The following CCDC88C variants were observed in gnomAD, a reference collection of about 807,000 sequenced individuals.
The protein encoded by CCDC88C is protein Daple.
Under a neutral mutation model 198.8 loss-of-function variants are expected in CCDC88C, and 131 were observed. The observed-to-expected ratio is 0.66, with a 90% CI of 0.57 to 0.76. The LOEUF is 0.76. Among genes scored for constraint, CCDC88C ranks in the 30% least tolerant of loss-of-function variants. The pLI is 0.00. For synonymous variants in CCDC88C, 1,166 were observed against 1,114.7 expected (o/e 1.05, Z -0.92); for missense variants, 2,553 against 2,631.6 (o/e 0.97, Z 0.65).
At position 91,299,776 on chromosome 14, in the gene CCDC88C, T is replaced by TA. The variant is rs1652196526; in HGVS notation, c.3779+150dup. The TA allele has an allele frequency of 2.0e-5, 22 of 1,075,850 alleles. No individual in the cohort carries two copies. In the South Asian group the frequency reaches 3.5e-4, roughly 17 times the overall value. 66.6% of individuals were successfully genotyped at this position (1,075,850 alleles called of 1,614,324 possible). On this transcript the variant is annotated intron_variant, in intron 21 of 29. Coordinates refer to ENST00000389857, the MANE Select transcript of CCDC88C (RefSeq NM_001080414.4). ...CCAGCAACCAGCTAGAGTTGCCCTT[T>TA]AGCTTATTTTACCCACCCAGCTGTT...
rs1418897427 is a variant in CCDC88C at position 91,293,435 on chromosome 14, C to T, written c.4112+738G>A. Among the ~76,000 whole-genome samples, 310 of 46,364 alleles carry T rather than the reference C, an allele frequency of 6.7e-3. 9 individuals carry two copies. The highest frequency in any genetic ancestry group is 0.032 in the Middle Eastern group (2 of 62). 30.4% of individuals were successfully genotyped at this position (46,364 alleles called of 152,430 possible). A position where few individuals can be genotyped will look rare whatever the true frequency, so the allele number is the denominator to read the frequency against. ...CCTCACCTGCCACGGCCCACCTTCCCGTCCTCACCTGCCACGGTCCACCTT... is the reference window on the plus strand; with the variant it reads ...CCTCACCTGCCACGGCCCACCTTCCTGTCCTCACCTGCCACGGTCCACCTT... On this transcript the variant is annotated intron_variant, in intron 23 of 29. Coordinates refer to ENST00000389857, the MANE Select transcript of CCDC88C (RefSeq NM_001080414.4).
intron 3 of CCDC88C, among the ~76,000 whole-genome samples, chr14:91,394,463 A>C (rs1409429122): frequency 6.6e-6 from 1 of 152,238 alleles, no homozygotes; most frequent in Non-Finnish European, 1.5e-5. Flanking sequence ...GGTCGGGGGC[A>C]CTTTGCAGGG....
intron 3 of CCDC88C, among the ~76,000 whole-genome samples, chr14:91,367,998 G>A (rs769252259): frequency 2.0e-5 from 3 of 152,014 alleles, no homozygotes; most frequent in African/African-American, 2.4e-5. Context: ...CCCCTTCTGC[G>A]GCACTTTCTA....
intron 25 of CCDC88C, chr14:91,285,784 G>A: frequency 7.8e-7 from 1 of 1,289,146 alleles, no homozygotes; most frequent in Non-Finnish European, 1.0e-6. Flanking sequence ...TTGGAGACTT[G>A]TCTTTGTCCT....
At chr14:91,414,851 G>T (rs1237063456) in intron 2 of CCDC88C, among the ~76,000 whole-genome samples, 1 of 152,166 alleles carries the variant, frequency 6.6e-6, no homozygotes, top group Non-Finnish European at 1.5e-5. Flanking sequence ...GCCCAGGGAA[G>T]GGGAGAAACC....
chr14:91,411,204 A>G lies in CCDC88C; in HGVS notation c.162-2437T>C, dbSNP rs529614397. On this transcript the variant is annotated intron_variant, in intron 2 of 29. Coordinates refer to ENST00000389857, the MANE Select transcript of CCDC88C (RefSeq NM_001080414.4). ...CTACAGTTAAGGCAGGCACATCTCA[A>G]TCTCCACTCTGCCCAGCACCCCCGT... Among the ~76,000 whole-genome samples the G allele has an allele frequency of 1.1e-4, 16 of 152,100 alleles. No individual in the cohort carries two copies. The East Asian group carries it at 1.7e-3, about 17-fold the overall frequency.
Position 91,391,556 on chromosome 14 carries a change from A to G in CCDC88C, c.270+17103T>C, listed in dbSNP as rs532970346. On this transcript the variant is annotated intron_variant, in intron 3 of 29. Transcript: ENST00000389857. ...CACTTTGGGAGGCCGAGGCGGGCAG[A>G]TCACTCGAGGTCAGGAGTTTGAGAC... is the stretch of plus-strand genomic sequence containing the variant. 1.6e-3 allele frequency among the ~76,000 whole-genome samples: 245 copies of G among 152,326 alleles called. 1 individual carries two copies. The highest frequency in any genetic ancestry group is 5.7e-3 in the African/African-American group (239 of 41,578).
rs1269825111 is a variant in CCDC88C, at chr14:91,284,185, A to G, written c.4442-668T>C. Among the ~76,000 whole-genome samples, 1 of 152,372 alleles carries G rather than the reference A, an allele frequency of 6.6e-6. No individual in the cohort carries two copies. ...TAAAACCAAGTACCCCACAGGAAAG[A>G]GGACAGGCTCTCCCAACACAAGATA... On this transcript the variant is annotated intron_variant, in intron 25 of 29. Transcript: ENST00000389857. This position sits in a 1 kb window ranked among gnomAD's most constrained non-coding sequence, Gnocchi z 4.1.
rs77288434 is a variant in CCDC88C, at chr14:91,411,372, A to C, written c.162-2605T>G. 7.9e-3 allele frequency among the ~76,000 whole-genome samples: 1,196 copies of C among 152,288 alleles called. 5 individuals carry two copies. Among genetic ancestry groups the C allele is most frequent in the Non-Finnish European group, 0.014 (919 of 68,014 alleles). ...AGGATCCTTCCGGCCTTCAAAGTCT[A>C]TATGGTTCCATGAAGCCTACATCTG... On this transcript the variant is annotated intron_variant, in intron 2 of 29. Transcript: ENST00000389857.
intron 12 of CCDC88C, among the ~76,000 whole-genome samples, chr14:91,323,491 T>C (rs1892441966): frequency 1.3e-5 from 2 of 152,320 alleles, no homozygotes; most frequent in South Asian, 4.1e-4. Context: ...TTATGCCAGG[T>C]CTTTCTGGCT....
chr14:91,381,774 C>A lies in CCDC88C; in HGVS notation c.271-22063G>T, dbSNP rs556249871. Among the ~76,000 whole-genome samples, 33 of 152,126 alleles carry A rather than the reference C, an allele frequency of 2.2e-4. No homozygotes were observed. Among genetic ancestry groups the A allele is most frequent in the Non-Finnish European group, 4.1e-4 (28 of 68,034 alleles). ...GCTTGAACCCAGGAGGCAGAGGTTG[C>A]GGTGAGCCAAGATCGTGCCAGCCAG... On this transcript the variant is annotated intron_variant, in intron 3 of 29. Transcript: ENST00000389857. This position sits in a 1 kb window ranked among gnomAD's most constrained non-coding sequence, Gnocchi z 4.2.
At position 91,307,193 on chromosome 14, in the gene CCDC88C, G is replaced by C. The variant is rs1293460157; in HGVS notation, c.3040C>G (p.Gln1014Glu). ...KKECETLRQN[Q>E]GEGQHLQNSF... Reference sequence around the variant, plus strand: ...TTCTGCAAGTGCTGCCCCTCTCCCTGGTTCTGCCTGAGGGTCTCACACTCC... The same window carrying C: ...TTCTGCAAGTGCTGCCCCTCTCCCTCGTTCTGCCTGAGGGTCTCACACTCC... The change falls in exon 18 of 30, where the codon CAG (glutamine) becomes GAG (glutamate). Residue 1014 changes from glutamine to glutamate, a missense_variant. By Grantham distance (29) the Gln-to-Glu change is conservative. Around this residue, in one of 2 missense-constraint regions of CCDC88C, gnomAD observed 1,260 missense variants for 1,412.0 expected, o/e 0.89. Coordinates refer to ENST00000389857, the MANE Select transcript of CCDC88C (RefSeq NM_001080414.4). 3 of 1,613,810 alleles carry C rather than the reference G, an allele frequency of 1.9e-6. No individual in the cohort carries two copies. The highest frequency in any genetic ancestry group is 2.5e-6 in the Non-Finnish European group (3 of 1,179,884).
In CCDC88C at chr14:91,313,284, C is replaced by T. The variant is rs1218862308; in HGVS notation, c.2532G>A (p.Leu844=). 6.2e-7 allele frequency: 1 copy of T among 1,613,902 alleles called. No individual in the cohort carries two copies. ...CATCCTTGAGCTCCACCTGCTGCCA[C>T]AGCCGCTTGGCCTCCTTCTCCAGCA... is the stretch of plus-strand genomic sequence containing the variant. ...KKLLEKEAKR[L]WQQVELKDAV... is the part of the protein sequence containing the mutation. Residue 844 remains leucine (L), a synonymous_variant, in exon 15 of 30, where the codon CTG becomes CTA. Coordinates refer to ENST00000389857, the MANE Select transcript of CCDC88C (RefSeq NM_001080414.4). This position sits in a 1 kb window ranked among gnomAD's most constrained non-coding sequence, Gnocchi z 5.2.
Position 91,340,116 on chromosome 14 carries a change from T to G in CCDC88C, c.484-92A>C, listed in dbSNP as rs1893257693. On this transcript the variant is annotated intron_variant, in intron 6 of 29. Transcript: ENST00000389857. ...AAACAGCATCCCCTTCCAATCAACC[T>G]TACTAATCCCTCAGTGACAAATTTA... The G allele has an allele frequency of 2.0e-6, 3 of 1,508,650 alleles. No individual in the cohort carries two copies. The South Asian group carries it at 3.7e-5, about 18-fold the overall frequency. 93.5% of individuals were successfully genotyped at this position (1,508,650 alleles called of 1,614,324 possible). A position where few individuals can be genotyped will look rare whatever the true frequency, so the allele number is the denominator to read the frequency against.
At chr14:91,324,683 T>C (rs1009528538) in intron 12 of CCDC88C, 96 bp downstream of exon 12, 1 of 1,412,770 alleles carries the variant, frequency 7.1e-7, no homozygotes, top group African/African-American at 1.4e-5. Context: ...GATGAATGGA[T>C]GGGCTAACAT....
chr14:91,409,718 C>T (rs1456068497), intron 2 of CCDC88C, among the ~76,000 whole-genome samples: 1 of 151,478 alleles, frequency 6.6e-6, no homozygotes, highest in Admixed American at 6.6e-5. Context: ...GAACTCTTGA[C>T]CTCAAGTGAC....
At chr14:91,377,896 CCTT>C (rs1343404417) in intron 3 of CCDC88C, among the ~76,000 whole-genome samples, 3 of 151,230 alleles carry the variant, frequency 2.0e-5, no homozygotes, top group African/African-American at 7.3e-5. Context: ...GCTGCCTCCT[CCTT>C]CTAGGAAGGC....
At chr14:91,329,975 A>C (rs1470744174) in intron 10 of CCDC88C, among the ~76,000 whole-genome samples, 2 of 152,232 alleles carry the variant, frequency 1.3e-5, no homozygotes, top group African/African-American at 4.8e-5. Context: ...GGGAGCACAA[A>C]AAGAGACAAC....
intron 13 of CCDC88C, among the ~76,000 whole-genome samples, chr14:91,316,081 C>T (rs913965631): frequency 3.5e-4 from 54 of 152,220 alleles, no homozygotes; most frequent in Admixed American, 5.2e-4. Context: ...GGGTTTCACA[C>T]GCACCCAGCT....
Sources: gnomAD v4.1 joint callset for allele counts (sites outside exome capture counted in the v4.1 genomes callset) on GRCh38, gnomAD v4.1.1 for gene constraint, gnomAD v4.1.1 regional missense constraint, Gnocchi (gnomAD v3.1) non-coding constraint, MANE v1.5 for transcripts, NCBI Gene and HGNC (gene_info 2026-07-23, HGNC 2026-07-21) for gene names.